ZNF124: variants seen among roughly 807,000 people sequenced by gnomAD.
The protein encoded by ZNF124 is zinc finger protein 124.
In ZNF124, 25 loss-of-function variants were observed where a neutral mutation model predicts 26.6. The ratio of observed to expected loss-of-function variants is 0.94; its 90% CI spans 0.68 to 1.31. ZNF124 has a LOEUF of 1.31. Among genes scored for constraint, ZNF124 ranks in the 40% most tolerant of loss-of-function variants. The pLI, the probability that ZNF124 is intolerant of heterozygous loss-of-function variation, is 0.00. For missense variants in ZNF124, 444 were observed against 422.2 expected (o/e 1.05, Z -0.45); for synonymous variants, 129 against 133.3 (o/e 0.97, Z 0.22).
At chr1:247,159,215 T>C (rs1673337721) in intron 2 of ZNF124, 149 bp from the exon 3 acceptor site, 5 of 662,766 alleles carry the variant, frequency 7.5e-6, no homozygotes, top group Admixed American at 6.3e-5. Context: ...GTTTGTGTTA[T>C]GGGTACAGAT....
intron 3 of ZNF124, among the ~76,000 whole-genome samples, chr1:247,126,286 GAC>G (rs2103097584): frequency 8.3e-6 from 1 of 119,974 alleles, no homozygotes; most frequent in East Asian, 2.3e-4. Context: ...GCCTCATTCA[GAC>G]ACGCGCGGGA....
At chr1:247,153,573 A>G (rs1319003142), downstream of ZNF124, among the ~76,000 whole-genome samples, 1 of 152,130 alleles carries the variant, frequency 6.6e-6, no homozygotes, top group Non-Finnish European at 1.5e-5. Flanking sequence ...TTGCCTTATA[A>G]CATTTCGGAT....
chr1:247,170,886 C>T (rs1040872743), intron 1 of ZNF124, among the ~76,000 whole-genome samples: 16 of 116,566 alleles, frequency 1.4e-4, no homozygotes, highest in Non-Finnish European at 2.0e-4. Flanking sequence ...GACGCGGCGC[C>T]GGGCTGTCTG....
chr1:247,140,880 A>T (rs772663496), intron 3 of ZNF124, among the ~76,000 whole-genome samples: 34 of 152,188 alleles, frequency 2.2e-4, no homozygotes, highest in Non-Finnish European at 3.4e-4. Flanking sequence ...ATGTTCTGAA[A>T]GTGTGGGCTT....
chr1:247,134,200 T>C (rs6688822), intron 3 of ZNF124, among the ~76,000 whole-genome samples: 46,249 of 151,954 alleles, frequency 0.3, 7,874 homozygotes, highest in African/African-American at 0.46. Context: ...CATCAACTAA[T>C]GGGCAAAATA....
At position 247,131,710 on chromosome 1, in the gene ZNF124, T is replaced by G. The variant is rs546413456; in HGVS notation, c.219-7839A>C. On this transcript the variant is annotated intron_variant, in intron 3 of 3. Transcript: ENST00000472531. ...CTCTTCAGGCCTAATCCCTTCTTCATTGGGTGGGGCTTCCCTGGAGGGTCT... is the reference window on the plus strand; with the variant it reads ...CTCTTCAGGCCTAATCCCTTCTTCAGTGGGTGGGGCTTCCCTGGAGGGTCT... Among the ~76,000 whole-genome samples the G allele has an allele frequency of 3.7e-3, 565 of 152,228 alleles. 2 individuals carry two copies. Among genetic ancestry groups the G allele is most frequent in the Non-Finnish European group, 6.3e-3 (428 of 68,004 alleles).
At chr1:247,154,109 A>C (rs1267895688), downstream of ZNF124, among the ~76,000 whole-genome samples, 1 of 118,084 alleles carries the variant, frequency 8.5e-6, no homozygotes, top group Non-Finnish European at 1.6e-5. Flanking sequence ...TTGTACACGC[A>C]TATGTGTGAC....
intron 1 of ZNF124, among the ~76,000 whole-genome samples, chr1:247,163,471 TA>T (rs564852380): frequency 3.3e-3 from 439 of 133,032 alleles, no homozygotes; most frequent in Non-Finnish European, 3.2e-3. Context: ...TCACAGAAAC[TA>T]AAAAAAAAAA....
At chr1:247,163,275 A>G (rs1558391274) in intron 1 of ZNF124, among the ~76,000 whole-genome samples, 1 of 152,048 alleles carries the variant, frequency 6.6e-6, no homozygotes, top group Non-Finnish European at 1.5e-5. Flanking sequence ...CCCCAAAGCT[A>G]GCAGAAGACA....
intron 1 of ZNF124, among the ~76,000 whole-genome samples, chr1:247,167,486 AG>A (rs1473426174): frequency 2.0e-5 from 3 of 152,224 alleles, no homozygotes; most frequent in Admixed American, 6.5e-5. Context: ...GTAATCATAA[AG>A]GAAGAGAGAT....
chr1:247,149,239 C>G (rs1672864163), intron 3 of ZNF124, among the ~76,000 whole-genome samples: 1 of 152,088 alleles, frequency 6.6e-6, no homozygotes, highest in Non-Finnish European at 1.5e-5. Flanking sequence ...AGCAACATTC[C>G]CTTACATGTA....
downstream of ZNF124, among the ~76,000 whole-genome samples, chr1:247,154,584 T>A (rs969212395): frequency 6.6e-6 from 1 of 152,194 alleles, no homozygotes; most frequent in Non-Finnish European, 1.5e-5. Context: ...TTTCTTTCAA[T>A]ATAGATGCAA....
chr1:247,159,316 AT>A (rs1673342813), intron 2 of ZNF124, among the ~76,000 whole-genome samples: 1 of 152,178 alleles, frequency 6.6e-6, no homozygotes, highest in Non-Finnish European at 1.5e-5. Flanking sequence ...GCAGGTTGTT[AT>A]AAAAGCAAGT....
chr1:247,128,980 G>C (rs1422070958), intron 3 of ZNF124, among the ~76,000 whole-genome samples: 10 of 7,432 alleles, frequency 1.3e-3, no homozygotes, highest in African/African-American at 5.1e-3. Context: ...TGAGAGGGAG[G>C]GTGGACATTG....
At chr1:247,169,381 G>C (rs971672276) in intron 1 of ZNF124, among the ~76,000 whole-genome samples, 1 of 152,224 alleles carries the variant, frequency 6.6e-6, no homozygotes, top group African/African-American at 2.4e-5. Context: ...GCAGGTTTTT[G>C]TGTCATCTTC....
intron 1 of ZNF124, among the ~76,000 whole-genome samples, chr1:247,167,901 T>C (rs1386010553): frequency 6.6e-6 from 1 of 152,122 alleles, no homozygotes; most frequent in Non-Finnish European, 1.5e-5. Context: ...GCAAAGGACA[T>C]GAATAGTTCT....
intron 1 of ZNF124, among the ~76,000 whole-genome samples, chr1:247,160,749 GATA>G (rs991567379): frequency 3.3e-5 from 5 of 152,158 alleles, no homozygotes; most frequent in African/African-American, 9.7e-5. Context: ...TTCCCTGGTA[GATA>G]ATATTTCATA....
chr1:247,146,718 T>C lies in ZNF124; in HGVS notation c.218+12288A>G, dbSNP rs373719865. The stretch of plus-strand genomic sequence containing the variant: ...GGGTTTTTTTCAGGTCTTCTTGTTA[T>C]TGAGAAAACAGTGCTTACTATCCAA... On this transcript the variant is annotated intron_variant, in intron 3 of 3. Coordinates refer to the ZNF124 transcript ENST00000472531. Among the ~76,000 whole-genome samples the C allele has an allele frequency of 5.9e-5, 9 of 152,332 alleles. No homozygotes were observed. The East Asian group carries it at 1.3e-3, about 23-fold the overall frequency.
rs1358598776 is a variant in ZNF124 at position 247,157,114 on chromosome 1, T to C, written c.508A>G (p.Arg170Gly). ...GFSRSLNRHK[R>G]IHTGEKRYEC... is the part of the protein sequence containing the mutation. ...TAGCGTTTTTCTCCAGTGTGAATCC[T>C]TTTATGTCTATTAAGAGAACGGGAA... The change falls in exon 4 of 4, where the codon AGG becomes GGG. Residue 170 changes from arginine (R) to glycine (G), a missense_variant. Coordinates refer to ENST00000543802, the MANE Select transcript of ZNF124 (RefSeq NM_001297568.2). 1 of 1,614,188 alleles carries C rather than the reference T, an allele frequency of 6.2e-7. No individual in the cohort carries two copies. Among genetic ancestry groups the C allele is most frequent in the Non-Finnish European group, 8.5e-7 (1 of 1,180,022 alleles).
Sources: allele counts gnomAD v4.1 joint callset (sites outside exome capture counted in the v4.1 genomes callset), GRCh38; gene constraint gnomAD v4.1.1; transcripts MANE v1.5; gene names NCBI Gene and HGNC (gene_info 2026-07-23, HGNC 2026-07-21).